Variants in ASB11 observed in about 807,000 individuals in gnomAD.
The protein encoded by ASB11 is ankyrin repeat and SOCS box protein 11.
Under a neutral mutation model 20.1 loss-of-function variants are expected in ASB11, and 17 were observed. That is an observed-to-expected ratio of 0.85 (90% CI 0.58 to 1.27). ASB11 has a LOEUF of 1.27. Among genes scored for constraint, ASB11 ranks in the 50% most tolerant of loss-of-function variants. The pLI, the probability that ASB11 is intolerant of heterozygous loss-of-function variation, is 0.00. For synonymous variants in ASB11, 107 were observed against 105.6 expected (o/e 1.01, Z -0.08); for missense variants, 259 against 256.9 (o/e 1.01, Z -0.06).
intron 4 of ASB11, 44 bp downstream of exon 4, chrX:15,293,126 G>A (rs755285639): frequency 5.9e-6 from 7 of 1,187,524 alleles, no homozygotes; most frequent in Non-Finnish European, 7.9e-6. Context: ...ACAGATTGGA[G>A]TGAGCCCATC....
chrX:15,295,386 T>A (rs1454341182), intron 3 of ASB11, among the ~76,000 whole-genome samples: 1 of 111,795 alleles, frequency 8.9e-6, no homozygotes, highest in African/African-American at 3.3e-5. Flanking sequence ...TAGATGACTA[T>A]GGGAGTAGGA....
intron 2 of ASB11, among the ~76,000 whole-genome samples, chrX:15,300,689 T>C (rs1921036195): frequency 8.9e-6 from 1 of 111,922 alleles, no homozygotes; most frequent in Admixed American, 9.5e-5. Context: ...GTCAGTGGTA[T>C]TGTATCAATG....
In ASB11 at chrX:15,314,454, A is replaced by G. The variant is rs757344399; in HGVS notation, c.181+971T>C. The G allele has an allele frequency of 6.7e-6, 8 of 1,198,021 alleles. No individual in the cohort carries two copies. The Admixed American group carries it at 9.1e-5, about 14-fold the overall frequency. ...TTCTGATACGTTCTGAAACTTCACAATTCTTCTCATTTTCCCCAGTTAATT... is the reference window on the plus strand; with the variant it reads ...TTCTGATACGTTCTGAAACTTCACAGTTCTTCTCATTTTCCCCAGTTAATT... On this transcript the variant is annotated intron_variant, in intron 1 of 6. Coordinates refer to ENST00000480796, the MANE Select transcript of ASB11 (RefSeq NM_080873.3).
chrX:15,308,364 C>T (rs1921310965), intron 1 of ASB11, among the ~76,000 whole-genome samples: 1 of 112,142 alleles, frequency 8.9e-6, no homozygotes, highest in South Asian at 3.8e-4. Flanking sequence ...TCTTTCATTC[C>T]ACCAAGAAAG....
At chrX:15,290,184 C>A (rs1449019256) in intron 4 of ASB11, among the ~76,000 whole-genome samples, 1 of 111,515 alleles carries the variant, frequency 9.0e-6, no homozygotes, top group African/African-American at 3.3e-5. Flanking sequence ...CTCCTCTTTA[C>A]AGCCCAAGTT....
chrX:15,293,042 T>C (rs1340132556), intron 4 of ASB11, 128 bp downstream of exon 4: 1 of 894,807 alleles, frequency 1.1e-6, no homozygotes, highest in Non-Finnish European at 1.5e-6. Context: ...GTGGGATTTC[T>C]AGGCCACACA....
At chrX:15,305,531 T>G (rs1160692431) in intron 1 of ASB11, among the ~76,000 whole-genome samples, 1 of 110,628 alleles carries the variant, frequency 9.0e-6, no homozygotes, top group African/African-American at 3.3e-5. Context: ...AATTTTTTTG[T>G]ACTGTTCTTG....
chrX:15,312,965 A>G (rs1921485269), intron 1 of ASB11, among the ~76,000 whole-genome samples: 1 of 111,980 alleles, frequency 8.9e-6, no homozygotes, highest in South Asian at 3.7e-4. Context: ...AAGAGTTGTT[A>G]TTTTTTAAGT....
Position 15,315,450 on chromosome X carries a change from T to A in ASB11, c.156A>T (p.Ala52=), listed in dbSNP as rs1016955187. The stretch of plus-strand genomic sequence containing the variant: ...CTGAAATTCCACCATAGATCTCTTC[T>A]GCTATCCTAGCCGCTTCTTTTCTAT... ...KGNRKEAARI[A]EEIYGGISDC... The change falls in exon 1 of 7, where the codon GCA becomes GCT. Residue 52 remains alanine (A), a synonymous_variant. Coordinates refer to ENST00000480796, the MANE Select transcript of ASB11 (RefSeq NM_080873.3). The A allele has an allele frequency of 5.2e-5, 59 of 1,140,001 alleles. No individual in the cohort carries two copies. The highest frequency in any genetic ancestry group is 6.8e-5 in the Non-Finnish European group (59 of 864,316). 93.9% of individuals were successfully genotyped at this position (1,140,001 alleles called of 1,213,427 possible).
Position 15,287,887 on chromosome X carries a change from G to A in ASB11, c.841C>T (p.Arg281Cys), listed in dbSNP as rs773871027. The A allele has an allele frequency of 5.8e-6, 7 of 1,199,869 alleles. No homozygotes were observed. The highest frequency in any genetic ancestry group is 1.7e-5 in the African/African-American group (1 of 57,167). Residue 281 changes from arginine to cysteine, a missense_variant, in exon 6 of 7, where the codon CGT becomes TGT. Arg to Cys is a radical substitution (Grantham distance 180, BLOSUM62 -3). Coordinates refer to ENST00000480796, the MANE Select transcript of ASB11 (RefSeq NM_080873.3). ...KSSVEQALLL[R>C]EGPPALSQLC... is the part of the protein sequence containing the mutation. ...ATACCCAGCCCTTGGTTACCTTCAC[G>A]GAGCAAGAGTGCCTGCTCCACGCTG...
intron 5 of ASB11, among the ~76,000 whole-genome samples, chrX:15,288,872 C>T (rs1927457797): frequency 9.2e-6 from 1 of 109,078 alleles, no homozygotes; most frequent in African/African-American, 3.4e-5. Flanking sequence ...GCAATAAGAG[C>T]GAAACTTCAT....
At chrX:15,310,722 T>A (rs1323175738) in intron 1 of ASB11, among the ~76,000 whole-genome samples, 2 of 112,737 alleles carry the variant, frequency 1.8e-5, no homozygotes, top group Admixed American at 9.4e-5. Flanking sequence ...GCGCGGTGGC[T>A]TATGCCTGTA....
At chrX:15,284,221 C>T (rs1246007427) in intron 6 of ASB11, among the ~76,000 whole-genome samples, 2 of 96,963 alleles carry the variant, frequency 2.1e-5, no homozygotes, top group Non-Finnish European at 4.0e-5. Context: ...CACTGCACTC[C>T]AGCCTGGGCG....
chrX:15,288,800 G>A (rs1448549824), intron 5 of ASB11, among the ~76,000 whole-genome samples: 1 of 110,480 alleles, frequency 9.1e-6, no homozygotes, highest in Non-Finnish European at 1.9e-5. Context: ...CAGGAGAATC[G>A]CTTAAACCCT....
intron 2 of ASB11, among the ~76,000 whole-genome samples, chrX:15,300,245 A>T (rs1447478382): frequency 2.7e-5 from 3 of 112,033 alleles, no homozygotes; most frequent in African/African-American, 9.7e-5. Flanking sequence ...TCTAGAGTGG[A>T]TCACCTCAAT....
intron 6 of ASB11, among the ~76,000 whole-genome samples, chrX:15,284,545 T>C (rs1194555072): frequency 9.0e-6 from 1 of 111,147 alleles, no homozygotes; most frequent in Non-Finnish European, 1.9e-5. Context: ...CCCTTTATTC[T>C]TGCAAGGATT....
chrX:15,314,195 C>T (rs929780398), intron 1 of ASB11, among the ~76,000 whole-genome samples: 2 of 110,539 alleles, frequency 1.8e-5, no homozygotes, highest in South Asian at 7.6e-4. Flanking sequence ...TAATTTAGAC[C>T]AGAAGAATGA....
intron 2 of ASB11, among the ~76,000 whole-genome samples, chrX:15,298,079 T>C (rs771682124): frequency 4.5e-5 from 5 of 111,848 alleles, no homozygotes; most frequent in African/African-American, 1.6e-4. Context: ...GACATGGGTC[T>C]CTCTTCTCCC....
chrX:15,314,217 G>C, intron 1 of ASB11: 1 of 790,459 alleles, frequency 1.3e-6, no homozygotes, highest in South Asian at 4.7e-5. Flanking sequence ...TTATCTATGA[G>C]AACACCAAAA....
Sources: gnomAD v4.1 joint callset for allele counts (sites outside exome capture counted in the v4.1 genomes callset) on GRCh38, gnomAD v4.1.1 for gene constraint, MANE v1.5 for transcripts, NCBI Gene and HGNC (gene_info 2026-07-23, HGNC 2026-07-21) for gene names.